Variants in CFAP68 observed in about 807,000 individuals in gnomAD.
CFAP68 encodes the protein cilia- and flagella-associated protein 68.
the CFAP68 span, chr11:111,880,926 A>T: frequency 2.6e-6 from 1 of 387,954 alleles, no homozygotes; most frequent in East Asian, 7.5e-5. Context: ...AGATGATACA[A>T]TTATACTTTC....
the CFAP68 span, chr11:111,882,690 C>T: frequency 4.6e-5 from 54 of 1,170,594 alleles, no homozygotes; most frequent in Non-Finnish European, 5.7e-5. Context: ...GTAATAACTT[C>T]TGGTGCAGTG....
At chr11:111,883,062 T>A in the CFAP68 span, 1 of 1,094,658 alleles carries the variant, frequency 9.1e-7, no homozygotes, top group Non-Finnish European at 1.4e-6. Flanking sequence ...TGAGAATTCA[T>A]GTCATATTGA....
chr11:111,880,586 A>G, the CFAP68 span, among the ~76,000 whole-genome samples: 3 of 152,222 alleles, frequency 2.0e-5, no homozygotes, highest in Non-Finnish European at 4.4e-5. Flanking sequence ...TCAGGAAGTT[A>G]CCGTATATGG....
the CFAP68 span, chr11:111,881,495 G>T: frequency 6.5e-7 from 1 of 1,536,054 alleles, no homozygotes; most frequent in South Asian, 1.2e-5. Context: ...AACTGGGAAA[G>T]CCAGGTTTGT....
chr11:111,883,979 A>G, the CFAP68 span: 3 of 873,634 alleles, frequency 3.4e-6, no homozygotes, highest in South Asian at 5.1e-5. Flanking sequence ...TCCAGAGTGA[A>G]ATGTAGGAGG....
the CFAP68 span, chr11:111,885,791 C>T: frequency 6.6e-6 from 1 of 152,110 alleles, no homozygotes; most frequent in African/African-American, 2.4e-5. Context: ...TATTACCTCT[C>T]AAACCTTTGT....
chr11:111,879,607 TG>T, the CFAP68 span: 49 of 1,612,872 alleles, frequency 3.0e-5, no homozygotes, highest in African/African-American at 5.3e-4. Context: ...CTCTTCCAGG[TG>T]CTTAAATCTC....
the CFAP68 span, chr11:111,881,159 C>A: frequency 8.2e-7 from 1 of 1,212,630 alleles, no homozygotes; most frequent in Admixed American, 4.0e-5. Context: ...AAAGATAAGC[C>A]CCAGGCTTCT....
the CFAP68 span, chr11:111,882,287 A>T: frequency 2.6e-6 from 3 of 1,172,764 alleles, no homozygotes; most frequent in African/African-American, 4.6e-5. Flanking sequence ...ATACCTGGCT[A>T]TGTAAAACAA....
the CFAP68 span, chr11:111,882,670 A>G: frequency 3.1e-6 from 4 of 1,309,398 alleles, no homozygotes; most frequent in African/African-American, 5.9e-5. Flanking sequence ...GCCATTTGAA[A>G]TGCAGGGATG....
the CFAP68 span, chr11:111,881,202 T>C: frequency 7.6e-7 from 1 of 1,310,566 alleles, no homozygotes; most frequent in Non-Finnish European, 9.7e-7. Context: ...GTGATGTCTG[T>C]CATTCCAGCC....
At chr11:111,885,351 C>T in the CFAP68 span, 1 of 152,034 alleles carries the variant, frequency 6.6e-6, no homozygotes, top group African/African-American at 2.4e-5. Context: ...GTATATTTCT[C>T]AAAAAGATAA....
the CFAP68 span, chr11:111,883,796 C>T: frequency 1.1e-5 from 18 of 1,613,068 alleles, no homozygotes; most frequent in Admixed American, 2.3e-4. Flanking sequence ...CTCACTGGTT[C>T]CCAGGACATC....
At chr11:111,882,014 C>A in the CFAP68 span, among the ~76,000 whole-genome samples, 1 of 152,178 alleles carries the variant, frequency 6.6e-6, no homozygotes, top group African/African-American at 2.4e-5. Flanking sequence ...TTTTTGTTCT[C>A]TTTGACTGTA....
chr11:111,881,512 C>G, the CFAP68 span: 2 of 1,535,922 alleles, frequency 1.3e-6, no homozygotes, highest in Non-Finnish European at 1.7e-6. Context: ...TTGTTGACAT[C>G]TTTAAAGAAC....
At chr11:111,883,253 G>T in the CFAP68 span, 1 of 1,439,174 alleles carries the variant, frequency 6.9e-7, no homozygotes, top group South Asian at 1.2e-5. Context: ...CTAACTCAGT[G>T]ACCGGCACAT....
the CFAP68 span, chr11:111,885,469 GAC>G: frequency 6.6e-6 from 1 of 152,346 alleles, no homozygotes; most frequent in African/African-American, 2.4e-5. Flanking sequence ...CCATCAACTT[GAC>G]ACAGAGTCTT....
At chr11:111,882,579 C>A in the CFAP68 span, 2 of 1,583,934 alleles carry the variant, frequency 1.3e-6, no homozygotes, top group African/African-American at 1.4e-5. Flanking sequence ...ATCGTGCAGC[C>A]CAAACCCTTG....
At chr11:111,881,296 G>T in the CFAP68 span, 1 of 1,423,732 alleles carries the variant, frequency 7.0e-7, no homozygotes, top group East Asian at 2.5e-5. Flanking sequence ...TCATCATGTT[G>T]TTTGGTAACA....
Sources: allele counts gnomAD v4.1 joint callset (sites outside exome capture counted in the v4.1 genomes callset), GRCh38; gene constraint gnomAD v4.1.1; transcripts MANE v1.5; gene names NCBI Gene and HGNC (gene_info 2026-07-23, HGNC 2026-07-21).